SORBS2: variants seen among roughly 807,000 people sequenced by gnomAD.
SORBS2 encodes sorbin and SH3 domain-containing protein 2.
In SORBS2, 46 loss-of-function variants were observed where a neutral mutation model predicts 97.7. The observed-to-expected ratio is 0.47, with a 90% CI of 0.37 to 0.60. The LOEUF is 0.60. Among genes scored for constraint, SORBS2 ranks in the 20% least tolerant of loss-of-function variants. The pLI is 0.00. For missense variants in SORBS2, 1,316 were observed against 1,282.3 expected (o/e 1.03, Z -0.40); for synonymous variants, 476 against 473.4 (o/e 1.01, Z -0.07).
At chr4:185,716,916 T>C (rs760650862) in intron 2 of SORBS2, among the ~76,000 whole-genome samples, 10 of 152,260 alleles carry the variant, frequency 6.6e-5, no homozygotes, top group Admixed American at 5.9e-4. Context: ...AAACAGACTT[T>C]GGCAAAGGGA....
rs2153475336 is a variant in SORBS2, at chr4:185,662,295, C to T, written c.-45-53G>A. The T allele has an allele frequency of 2.3e-5, 35 of 1,526,402 alleles. No homozygotes were observed. In the South Asian group the frequency reaches 4.1e-4, roughly 18 times the overall value. The allele number at this position is 1,526,402 out of a possible 1,614,324, so 94.6% of individuals were successfully genotyped here. ...AAATTAGCACATAGTTCCCTGTAAA[C>T]ATCATTCCATTAGGTGATAATAAAA... On this transcript the variant is annotated intron_variant, in intron 4 of 20. Coordinates refer to the SORBS2 transcript ENST00000284776.
chr4:185,621,163 C>A (rs889117113), intron 7 of SORBS2, among the ~76,000 whole-genome samples: 1 of 152,014 alleles, frequency 6.6e-6, no homozygotes, highest in African/African-American at 2.4e-5. Flanking sequence ...TTTATTTTAT[C>A]CATCTATGAA....
rs1287876562 is a variant in SORBS2, at chr4:185,737,828, T to C, written c.-198+37399A>G. Among the ~76,000 whole-genome samples, 4 of 152,184 alleles carry C rather than the reference T, an allele frequency of 2.6e-5. No homozygotes were observed. In the East Asian group the frequency reaches 7.7e-4, roughly 29 times the overall value. On this transcript the variant is annotated intron_variant, in intron 2 of 20. Coordinates refer to the SORBS2 transcript ENST00000284776. ...TAAAATGGGAAAACAGTTTTAACAGTGCAGTGAAGCTTCCTGCCAATAAGC... is the reference window on the plus strand; with the variant it reads ...TAAAATGGGAAAACAGTTTTAACAGCGCAGTGAAGCTTCCTGCCAATAAGC...
intron 8 of SORBS2, among the ~76,000 whole-genome samples, chr4:185,619,282 A>G (rs1385532722): frequency 2.0e-5 from 3 of 152,124 alleles, no homozygotes; most frequent in African/African-American, 7.2e-5. Context: ...GGTACCCTGT[A>G]CCCTATAGCT....
chr4:185,712,794 G>A (rs1562067082), intron 2 of SORBS2, among the ~76,000 whole-genome samples: 1 of 152,196 alleles, frequency 6.6e-6, no homozygotes, highest in African/African-American at 2.4e-5. Context: ...GGAGTTGAGA[G>A]GGGCAGGCTG....
intron 2 of SORBS2, among the ~76,000 whole-genome samples, chr4:185,687,467 T>C (rs2097989612): frequency 6.6e-6 from 1 of 152,244 alleles, no homozygotes; most frequent in Admixed American, 6.5e-5. Flanking sequence ...GAAATAAAAC[T>C]ATTTTCTTTC....
At chr4:185,850,093 C>G (rs1401651467) in intron 1 of SORBS2, among the ~76,000 whole-genome samples, 6 of 152,174 alleles carry the variant, frequency 3.9e-5, no homozygotes, top group Admixed American at 3.9e-4. Flanking sequence ...AAACGAAGCT[C>G]TTTCATGGCA....
intron 2 of SORBS2, among the ~76,000 whole-genome samples, chr4:185,706,612 A>T (rs1046366906): frequency 6.6e-6 from 1 of 152,200 alleles, no homozygotes; most frequent in African/African-American, 2.4e-5. Flanking sequence ...ACCTGTGTCT[A>T]TCCAGATGAC....
At chr4:185,692,144 T>A (rs1561945365) in intron 2 of SORBS2, among the ~76,000 whole-genome samples, 1 of 152,218 alleles carries the variant, frequency 6.6e-6, no homozygotes, top group Non-Finnish European at 1.5e-5. Flanking sequence ...AAAGACACGC[T>A]GATAAGGTAG....
intron 2 of SORBS2, among the ~76,000 whole-genome samples, chr4:185,681,211 A>G (rs937784818): frequency 2.6e-5 from 4 of 152,134 alleles, no homozygotes; most frequent in Non-Finnish European, 5.9e-5. Context: ...AATAAATCCA[A>G]TTACAGATAC....
intron 2 of SORBS2, among the ~76,000 whole-genome samples, chr4:185,731,694 C>T (rs2098632840): frequency 1.0e-5 from 1 of 100,346 alleles, no homozygotes; most frequent in Non-Finnish European, 2.1e-5. Context: ...CTCTCTCCCT[C>T]CCTCCCTGCC....
At chr4:185,735,359 T>C (rs2098676788) in intron 2 of SORBS2, among the ~76,000 whole-genome samples, 1 of 149,844 alleles carries the variant, frequency 6.7e-6, no homozygotes, top group South Asian at 2.1e-4. Flanking sequence ...TTCGCTTCCA[T>C]TGAATCAGAG....
chr4:185,894,388 A>C (rs2099243999), intron 1 of SORBS2: 1 of 152,216 alleles, frequency 6.6e-6, no homozygotes, highest in Non-Finnish European at 1.5e-5. Context: ...AGAAGTAAAA[A>C]AAAAAATAAA....
chr4:185,655,654 G>A (rs1049393736), intron 1 of SORBS2, among the ~76,000 whole-genome samples: 2 of 152,200 alleles, frequency 1.3e-5, no homozygotes, highest in African/African-American at 4.8e-5. Flanking sequence ...TAGTGTGTTT[G>A]CTTATGCATA....
intron 1 of SORBS2, among the ~76,000 whole-genome samples, chr4:185,778,450 G>A (rs749114580): frequency 6.6e-5 from 10 of 152,002 alleles, no homozygotes; most frequent in Non-Finnish European, 1.3e-4. Context: ...TGTTAGAAAC[G>A]CAAAACCTCA....
At position 185,652,677 on chromosome 4, in the gene SORBS2, T is replaced by C; in HGVS notation, c.76A>G (p.Met26Val). The change falls in exon 2 of 15, where the codon ATG becomes GTG. Residue 26 changes from methionine (M) to valine (V), a missense_variant. Transcript: ENST00000418609. ...GCAGACATACCCGGCTTGTGCACCATGTGAATTTGCTTAAACATCGTCTTG... is the reference window on the plus strand; with the variant it reads ...GCAGACATACCCGGCTTGTGCACCACGTGAATTTGCTTAAACATCGTCTTG... 9.9e-6 allele frequency: 16 copies of C among 1,613,984 alleles called. No individual in the cohort carries two copies. Among genetic ancestry groups the C allele is most frequent in the East Asian group, 4.5e-5 (2 of 44,884 alleles).
At chr4:185,711,269 G>A (rs115414912) in intron 2 of SORBS2, among the ~76,000 whole-genome samples, 1,781 of 152,160 alleles carry the variant, frequency 0.012, 41 homozygotes, top group African/African-American at 0.041. Flanking sequence ...GGGATGACAG[G>A]CATGAGCCAC....
chr4:185,801,139 CT>C (rs1488353930), intron 1 of SORBS2, among the ~76,000 whole-genome samples: 1 of 152,182 alleles, frequency 6.6e-6, no homozygotes, highest in Middle Eastern at 3.2e-3. Context: ...CAGTATTTGT[CT>C]TTCTCTGTCT....
chr4:185,645,430 C>T (rs2097192393), intron 4 of SORBS2: 2 of 151,882 alleles, frequency 1.3e-5, no homozygotes, highest in Admixed American at 6.6e-5. Flanking sequence ...TTTTGTAGTC[C>T]TGTTACTCTA....
Sources: gnomAD v4.1 joint callset for allele counts (sites outside exome capture counted in the v4.1 genomes callset) on GRCh38, gnomAD v4.1.1 for gene constraint, MANE v1.5 for transcripts, NCBI Gene and HGNC (gene_info 2026-07-23, HGNC 2026-07-21) for gene names.